Variants in THEMIS observed in about 807,000 individuals in gnomAD.
THEMIS encodes the protein protein THEMIS.
THEMIS carries 37 observed loss-of-function variants against 52.6 expected under a neutral mutation model. That is an observed-to-expected ratio of 0.70 (90% CI 0.54 to 0.93). THEMIS has a LOEUF of 0.93. Among genes scored for constraint, THEMIS ranks in the 40% least tolerant of loss-of-function variants. THEMIS has a pLI of 0.00. For missense variants in THEMIS, 808 were observed against 763.1 expected, an observed-to-expected ratio of 1.06 and a Z score of -0.69; for synonymous variants, 292 against 272.7, an observed-to-expected ratio of 1.07 and a Z score of -0.70.
chr6:127,843,118 GA>G (rs1230351211), intron 2 of THEMIS, among the ~76,000 whole-genome samples: 2 of 151,870 alleles, frequency 1.3e-5, no homozygotes, highest in East Asian at 3.9e-4. Flanking sequence ...TCTATTTAGT[GA>G]ATTTAGTAAA....
chr6:127,899,208 CA>C (rs1464413664), intron 1 of THEMIS, among the ~76,000 whole-genome samples: 1 of 151,596 alleles, frequency 6.6e-6, no homozygotes, highest in Non-Finnish European at 1.5e-5. Context: ...CACACTGTAT[CA>C]AAATATCACA....
chr6:127,867,507 A>G (rs1780020318), intron 1 of THEMIS, among the ~76,000 whole-genome samples: 1 of 152,100 alleles, frequency 6.6e-6, no homozygotes, highest in African/African-American at 2.4e-5. Context: ...TCAGCTAGTG[A>G]GAAAGAGAAA....
Position 127,900,985 on chromosome 6 carries a change from C to G in THEMIS, c.-53G>C. 3.5e-6 allele frequency: 5 copies of G among 1,411,994 alleles called. No homozygotes were observed. Among genetic ancestry groups the G allele is most frequent in the Non-Finnish European group, 4.0e-6 (4 of 997,436 alleles). 87.5% of individuals were successfully genotyped at this position (1,411,994 alleles called of 1,614,324 possible). A position where few individuals can be genotyped will look rare whatever the true frequency, so the allele number is the denominator to read the frequency against. Reference sequence around the variant, plus strand: ...TGGTGCTCACAGAAACTTGTGGCTTCTGGGTGACACTTGTCTGCAATTGCA... The same window carrying G: ...TGGTGCTCACAGAAACTTGTGGCTTGTGGGTGACACTTGTCTGCAATTGCA... On this transcript the variant is annotated 5_prime_UTR_variant, in exon 1 of 6. Transcript: ENST00000368248.
At chr6:127,761,311 G>C (rs893692679) in intron 4 of THEMIS, among the ~76,000 whole-genome samples, 3 of 152,076 alleles carry the variant, frequency 2.0e-5, no homozygotes, top group African/African-American at 7.2e-5. Flanking sequence ...TTTTGATGTG[G>C]TTTAGAGAAA....
intron 4 of THEMIS, among the ~76,000 whole-genome samples, chr6:127,727,464 G>A (rs1262361770): frequency 6.6e-6 from 1 of 152,160 alleles, no homozygotes; most frequent in East Asian, 1.9e-4. Flanking sequence ...TGCTGCAGAT[G>A]ACAGATGGGA....
intron 4 of THEMIS, among the ~76,000 whole-genome samples, chr6:127,725,424 C>G (rs557872144): frequency 1.3e-5 from 2 of 151,322 alleles, no homozygotes; most frequent in Non-Finnish European, 3.0e-5. Flanking sequence ...TGTAATCTGT[C>G]TCCTACTGTG....
At chr6:127,789,323 A>G (rs1270542812) in intron 4 of THEMIS, among the ~76,000 whole-genome samples, 1 of 152,210 alleles carries the variant, frequency 6.6e-6, no homozygotes, top group African/African-American at 2.4e-5. Context: ...AGACTAAACC[A>G]GGAAGAAGTT....
chr6:127,814,201 T>C (rs1307753798), intron 3 of THEMIS, among the ~76,000 whole-genome samples: 1 of 152,206 alleles, frequency 6.6e-6, no homozygotes, highest in Non-Finnish European at 1.5e-5. Flanking sequence ...CAAAATCATA[T>C]CCTCACTTCT....
At chr6:127,787,328 C>G (rs1197845922) in intron 4 of THEMIS, among the ~76,000 whole-genome samples, 1 of 151,998 alleles carries the variant, frequency 6.6e-6, no homozygotes, top group Non-Finnish European at 1.5e-5. Flanking sequence ...CTTCCTTTAG[C>G]TGGAAAACTT....
At position 127,830,136 on chromosome 6, in the gene THEMIS, G is replaced by A. The variant is rs529894789; in HGVS notation, c.251-202C>T. On this transcript the variant is annotated intron_variant, in intron 2 of 5. Coordinates refer to ENST00000368248, the MANE Select transcript of THEMIS (RefSeq NM_001010923.3). ...TTGCTTATAGATCACTAGATCATAA[G>A]ACCAGACAATACAAATGGAGACAAG... is the stretch of plus-strand genomic sequence containing the variant. Among the ~76,000 whole-genome samples the A allele has an allele frequency of 3.4e-4, 51 of 152,168 alleles. No individual in the cohort carries two copies. In the South Asian group the frequency reaches 0.01, roughly 31 times the overall value.
At position 127,770,030 on chromosome 6, in the gene THEMIS, C is replaced by T. The variant is rs141125519; in HGVS notation, c.1758+42853G>A. 8.3e-3 allele frequency among the ~76,000 whole-genome samples: 1,263 copies of T among 152,294 alleles called. 13 individuals are homozygous for T. The highest frequency in any genetic ancestry group is 0.029 in the African/African-American group (1,198 of 41,552). On this transcript the variant is annotated intron_variant, in intron 4 of 5. Transcript: ENST00000368248. The stretch of plus-strand genomic sequence containing the variant: ...CTTAATCCGGTCTATCATTGATGGA[C>T]ATTTGAGTTGGTTCCAAGTCGTTGC...
intron 1 of THEMIS, among the ~76,000 whole-genome samples, chr6:127,899,582 A>G (rs960071680): frequency 6.6e-6 from 1 of 151,932 alleles, no homozygotes; most frequent in Non-Finnish European, 1.5e-5. Flanking sequence ...TCCCTGTACA[A>G]TTCATAACAT....
At chr6:127,883,906 G>C (rs568230555) in intron 1 of THEMIS, among the ~76,000 whole-genome samples, 8 of 152,162 alleles carry the variant, frequency 5.3e-5, no homozygotes, top group African/African-American at 1.9e-4. Context: ...ATCACAAATT[G>C]AGGAGCATCT....
chr6:127,860,919 T>C (rs1019550967), intron 1 of THEMIS, among the ~76,000 whole-genome samples: 2 of 152,168 alleles, frequency 1.3e-5, no homozygotes, highest in African/African-American at 2.4e-5. Flanking sequence ...GTTGTCATGA[T>C]AGAAGTCATC....
chr6:127,710,739 T>C (rs1365818194), intron 5 of THEMIS, among the ~76,000 whole-genome samples: 4 of 151,924 alleles, frequency 2.6e-5, no homozygotes, highest in African/African-American at 9.7e-5. Flanking sequence ...TGGAGCGCGA[T>C]GGATGGGTAA....
intron 5 of THEMIS, among the ~76,000 whole-genome samples, chr6:127,718,204 A>G (rs1056919438): frequency 2.6e-5 from 4 of 151,996 alleles, no homozygotes; most frequent in Non-Finnish European, 5.9e-5. Context: ...TACAAATGGG[A>G]AAGCAAATAA....
At chr6:127,783,683 G>A (rs1211564503) in intron 4 of THEMIS, among the ~76,000 whole-genome samples, 1 of 152,162 alleles carries the variant, frequency 6.6e-6, no homozygotes. Context: ...AAACCACAAT[G>A]ACATACCATC....
downstream of THEMIS, among the ~76,000 whole-genome samples, chr6:127,707,448 T>C (rs9482834): frequency 1.3e-3 from 199 of 152,262 alleles, 1 homozygote; most frequent in African/African-American, 4.5e-3. Context: ...ATTCTGGTTC[T>C]CACAATCAGA....
chr6:127,910,798 C>T lies in THEMIS; in HGVS notation c.-150+7630G>A, dbSNP rs757643175. Among the ~76,000 whole-genome samples, 53 of 152,196 alleles carry T rather than the reference C, an allele frequency of 3.5e-4. No individual in the cohort carries two copies. The Middle Eastern group carries it at 0.01, about 29-fold the overall frequency. ...AATATTGAGATATTATTATTATTAGCTAAACTTCATACTTCACTAAAATTT... is the reference window on the plus strand; with the variant it reads ...AATATTGAGATATTATTATTATTAGTTAAACTTCATACTTCACTAAAATTT... On this transcript the variant is annotated intron_variant, in intron 1 of 6. Coordinates refer to the THEMIS transcript ENST00000368250.
Sources: allele counts gnomAD v4.1 joint callset (sites outside exome capture counted in the v4.1 genomes callset), GRCh38; gene constraint gnomAD v4.1.1; transcripts MANE v1.5; gene names NCBI Gene and HGNC (gene_info 2026-07-23, HGNC 2026-07-21).